The following RAET1E variants were observed in gnomAD, a reference collection of about 807,000 sequenced individuals.
The protein encoded by RAET1E is retinoic acid early transcript 1E, also known as NKG2D ligand 4.
A neutral mutation model predicts 21.1 loss-of-function variants in RAET1E; 27 were observed. That is an observed-to-expected ratio of 1.28 (90% CI 0.94 to 1.76). The LOEUF is 1.76. Among genes scored for constraint, RAET1E ranks in the 40% most tolerant of loss-of-function variants. RAET1E has a pLI of 0.00. For missense variants in RAET1E, 310 were observed against 311.3 expected, an observed-to-expected ratio of 1.00 and a Z score of 0.03; for synonymous variants, 113 against 115.0, an observed-to-expected ratio of 0.98 and a Z score of 0.11.
chr6:149,888,389 T>A lies in RAET1E; in HGVS notation c.*109A>T. ...TTGTGCTGCCAGCCCTGCTGTGTAG[T>A]GTGGGGGCTCAAGACTAAGGCAGTG... On this transcript the variant is annotated 3_prime_UTR_variant, in exon 6 of 6. Transcript: ENST00000357183. 3 of 1,312,436 alleles carry A rather than the reference T, an allele frequency of 2.3e-6. No individual in the cohort carries two copies. The highest frequency in any genetic ancestry group is 4.2e-4 in the Middle Eastern group (2 of 4,800). The allele number at this position is 1,312,436 out of a possible 1,614,324, so 81.3% of individuals were successfully genotyped here. A position where few individuals can be genotyped will look rare whatever the true frequency, so the allele number is the denominator to read the frequency against.
In RAET1E at chr6:149,884,812, C is replaced by T. The variant is rs1359463989; in HGVS notation, c.*3686G>A. Among the ~76,000 whole-genome samples, 4 of 152,192 alleles carry T rather than the reference C, an allele frequency of 2.6e-5. No homozygotes were observed. Among genetic ancestry groups the T allele is most frequent in the Non-Finnish European group, 5.9e-5 (4 of 68,028 alleles). Reference sequence around the variant, plus strand: ...CTTCCAGCTGTGGGCAAGGGTATCCCTGCGGCAGGTCCAGAGCACTGAGGG... The same window carrying T: ...CTTCCAGCTGTGGGCAAGGGTATCCTTGCGGCAGGTCCAGAGCACTGAGGG... On this transcript the variant is annotated 3_prime_UTR_variant, in exon 6 of 6. Coordinates refer to ENST00000357183, the MANE Select transcript of RAET1E (RefSeq NM_001394057.1).
intron 5 of RAET1E, 68 bp downstream of exon 5, chr6:149,889,280 A>C (rs1455838603): frequency 6.3e-7 from 1 of 1,583,516 alleles, no homozygotes; most frequent in African/African-American, 1.3e-5. Context: ...ACACACACTG[A>C]CACCCACACA....
In RAET1E at chr6:149,886,251, A is replaced by C. The variant is rs568743390; in HGVS notation, c.*2247T>G. Among the ~76,000 whole-genome samples the C allele has an allele frequency of 3.3e-5, 5 of 152,350 alleles. No individual in the cohort carries two copies. The East Asian group carries it at 9.6e-4, about 29-fold the overall frequency. Reference sequence around the variant, plus strand: ...CCTTGTACTTTTTAATTTGATATATAGTTATTTGGAAGCATATTATTTGAT... The same window carrying C: ...CCTTGTACTTTTTAATTTGATATATCGTTATTTGGAAGCATATTATTTGAT... On this transcript the variant is annotated 3_prime_UTR_variant, in exon 6 of 6. Coordinates refer to ENST00000357183, the MANE Select transcript of RAET1E (RefSeq NM_001394057.1).
intron 2 of RAET1E, among the ~76,000 whole-genome samples, chr6:149,894,877 G>T (rs1778052319): frequency 6.6e-6 from 1 of 152,162 alleles, no homozygotes; most frequent in Admixed American, 6.5e-5. Context: ...GAATTTTCAG[G>T]CTTTGCGCAC....
In RAET1E at chr6:149,887,770, G is replaced by T. The variant is rs1204270134; in HGVS notation, c.*728C>A. On this transcript the variant is annotated 3_prime_UTR_variant, in exon 6 of 6. Transcript: ENST00000357183. ...AATTGCTGTACTTGAAAATGTTGAG[G>T]TCTGCCTGGGTCAATTTAGAGAAGA... 6.6e-5 allele frequency among the ~76,000 whole-genome samples: 10 copies of T among 152,116 alleles called. No homozygotes were observed.
rs542204938 is a variant in RAET1E, at chr6:149,886,840, C to T, written c.*1658G>A. On this transcript the variant is annotated 3_prime_UTR_variant, in exon 6 of 6. Transcript: ENST00000357183. ...CTGTCACTTCAGCAGAAACAATGCC[C>T]AGAAATGCCAGAGACAACAAAATAG... Among the ~76,000 whole-genome samples, 47 of 152,308 alleles carry T rather than the reference C, an allele frequency of 3.1e-4. No homozygotes were observed. Among genetic ancestry groups the T allele is most frequent in the Middle Eastern group, 3.4e-3 (1 of 294 alleles).
rs141238196 is a variant in RAET1E at position 149,890,557 on chromosome 6, A to G, written c.85+260T>C. Reference sequence around the variant, plus strand: ...ACACGCTGAATTCCTGTGGGGTCCCAGATGTTCAGGAAAGTGACCTGGAGT... The same window carrying G: ...ACACGCTGAATTCCTGTGGGGTCCCGGATGTTCAGGAAAGTGACCTGGAGT... On this transcript the variant is annotated intron_variant, in intron 3 of 5. Coordinates refer to ENST00000357183, the MANE Select transcript of RAET1E (RefSeq NM_001394057.1). Among the ~76,000 whole-genome samples the G allele has an allele frequency of 2.0e-3, 312 of 152,292 alleles. 2 individuals are homozygous for G. Among genetic ancestry groups the G allele is most frequent in the African/African-American group, 7.2e-3 (300 of 41,554 alleles).
At chr6:149,889,817 C>T in intron 4 of RAET1E, 68 bp downstream of exon 4, 1 of 1,557,728 alleles carries the variant, frequency 6.4e-7, no homozygotes, top group Non-Finnish European at 8.8e-7. Context: ...AAAGCCCCTC[C>T]CCATCTGTGT....
rs947368408 is a variant in RAET1E, at chr6:149,895,935, C to T, written c.-223G>A. 1.3e-5 allele frequency: 2 copies of T among 152,248 alleles called. No individual in the cohort carries two copies. The highest frequency in any genetic ancestry group is 2.9e-5 in the Non-Finnish European group (2 of 68,056). 9.4% of individuals were successfully genotyped at this position (152,248 alleles called of 1,614,324 possible). On this transcript the variant is annotated 5_prime_UTR_variant, in exon 2 of 6. Transcript: ENST00000357183. ...CTCTTCCTCACCAGATGGCTGTCTTCCTGTTGTATCCTCACACAGTGGAGA... is the reference window on the plus strand; with the variant it reads ...CTCTTCCTCACCAGATGGCTGTCTTTCTGTTGTATCCTCACACAGTGGAGA...
In RAET1E at chr6:149,890,867, C is replaced by T. The variant is rs9383583; in HGVS notation, c.35G>A (p.Arg12His). 258,513 of 1,610,332 alleles carry T rather than the reference C, an allele frequency of 0.16. 26,214 individuals are homozygous for T. Among genetic ancestry groups the T allele is most frequent in the East Asian group, 0.56 (25,182 of 44,808 alleles). Residue 12 changes from arginine (R) to histidine (H), a missense_variant, in exon 3 of 6, where the codon CGC (arginine) becomes CAC (histidine). Transcript: ENST00000357183. ...TAGCAACAGCAGAAACAAAAGAAGG[C>T]GCACAGGGCTAGAAGTCAGGGATAT... ...RRISLTSSPV[R>H]LLLFLLLLLI...
At position 149,888,159 on chromosome 6, in the gene RAET1E, C is replaced by A; in HGVS notation, c.*339G>T. ...GCAGCCACAAGCGCCACCAGCAAGT[C>A]TTCTCAGGGTGAACGGGAAAAGGGG... On this transcript the variant is annotated 3_prime_UTR_variant, in exon 6 of 6. Coordinates refer to ENST00000357183, the MANE Select transcript of RAET1E (RefSeq NM_001394057.1). 1 of 563,182 alleles carries A rather than the reference C, an allele frequency of 1.8e-6. No homozygotes were observed. The allele number at this position is 563,182 out of a possible 1,614,324, so 34.9% of individuals were successfully genotyped here. A position where few individuals can be genotyped will look rare whatever the true frequency, so the allele number is the denominator to read the frequency against.
At chr6:149,897,869 A>T (rs983126907) in intron 1 of RAET1E, among the ~76,000 whole-genome samples, 152 bp downstream of exon 1, 2 of 140,046 alleles carry the variant, frequency 1.4e-5, no homozygotes, top group African/African-American at 5.4e-5. Context: ...CCGCCGCCAC[A>T]CCCCCAGCAT....
intron 3 of RAET1E, 106 bp from the exon 4 acceptor site, chr6:149,890,251 C>T (rs1013356113): frequency 9.3e-5 from 114 of 1,232,336 alleles, no homozygotes; most frequent in East Asian, 7.4e-4. Context: ...CTAGCAGAGG[C>T]GGGGCAGCTC....
At chr6:149,890,167 G>T (rs1409092359) in intron 3 of RAET1E, 22 bp from the exon 4 acceptor site, 3 of 1,613,270 alleles carry the variant, frequency 1.9e-6, no homozygotes, top group South Asian at 1.1e-5. Context: ...AGATGCAGGT[G>T]AGGTCCAGGA....
chr6:149,897,653 G>T (rs1261053426), intron 1 of RAET1E, among the ~76,000 whole-genome samples: 1 of 152,206 alleles, frequency 6.6e-6, no homozygotes, highest in African/African-American at 2.4e-5. Flanking sequence ...GGCATAAGCG[G>T]AAGGGAGGAT....
chr6:149,889,468 TG>T lies in RAET1E; in HGVS notation c.501del (p.Lys168ArgfsTer30), dbSNP rs1287008070. 1 of 1,614,114 alleles carries T rather than the reference TG, an allele frequency of 6.2e-7. No individual in the cohort carries two copies. The highest frequency in any genetic ancestry group is 8.5e-7 in the Non-Finnish European group (1 of 1,180,050). ...CCTCTGTCTTTCTTCCATGTCTCCT[TG>T]ATCTTACTGGCTTCATGATTAATTA... The part of the protein sequence containing the change: ...WTVINHEASK[I>X]KETWKKDRGL... On this transcript the variant is annotated frameshift_variant, in exon 5 of 6. Transcript: ENST00000357183. LOFTEE classifies it high-confidence loss of function.
Position 149,887,180 on chromosome 6 carries a change from C to T in RAET1E, c.*1318G>A, listed in dbSNP as rs1777648692. On this transcript the variant is annotated 3_prime_UTR_variant, in exon 6 of 6. Coordinates refer to ENST00000357183, the MANE Select transcript of RAET1E (RefSeq NM_001394057.1). ...TCCCAGGTGTCTATGGAGGTCCCAC[C>T]TCCTTTAAATCCCTACTGTTCAGAC... is the stretch of plus-strand genomic sequence containing the variant. 6.6e-6 allele frequency among the ~76,000 whole-genome samples: 1 copy of T among 152,206 alleles called. No homozygotes were observed. Among genetic ancestry groups the T allele is most frequent in the East Asian group, 1.9e-4 (1 of 5,194 alleles).
Position 149,889,452 on chromosome 6 carries a change from T to C in RAET1E, c.518A>G (p.Lys173Arg), listed in dbSNP as rs150468131. The change falls in exon 5 of 6, where the codon AAA becomes AGA. Residue 173 changes from lysine to arginine, a missense_variant. Transcript: ENST00000357183. Reference sequence around the variant, plus strand: ...GAAATACTTTTCCAGCCCTCTGTCTTTCTTCCATGTCTCCTTGATCTTACT... The same window carrying C: ...GAAATACTTTTCCAGCCCTCTGTCTCTCTTCCATGTCTCCTTGATCTTACT... ...EASKIKETWK[K>R]DRGLEKYFRK... 1.9e-6 allele frequency: 3 copies of C among 1,614,222 alleles called. No individual in the cohort carries two copies. The East Asian group carries it at 6.7e-5, about 36-fold the overall frequency.
chr6:149,889,709 A>AG, intron 4 of RAET1E, 86 bp from the exon 5 acceptor site: 1 of 1,534,492 alleles, frequency 6.5e-7, no homozygotes, highest in Non-Finnish European at 8.9e-7. Context: ...CTGCACATTT[A>AG]GGGGTCTGTA....
Sources: allele counts gnomAD v4.1 joint callset (sites outside exome capture counted in the v4.1 genomes callset), GRCh38; gene constraint gnomAD v4.1.1; transcripts MANE v1.5; gene names NCBI Gene and HGNC (gene_info 2026-07-23, HGNC 2026-07-21).